LRFN2: variants seen among roughly 807,000 people sequenced by gnomAD.
The protein encoded by LRFN2 is leucine rich repeat and fibronectin type III domain containing 2.
LRFN2 carries 18 observed loss-of-function variants against 37.3 expected under a neutral mutation model. The observed-to-expected ratio is 0.48, with a 90% CI of 0.33 to 0.72. The LOEUF is 0.72. Among genes scored for constraint, LRFN2 ranks in the 30% least tolerant of loss-of-function variants. The pLI, the probability that LRFN2 is intolerant of heterozygous loss-of-function variation, is 0.02. For missense variants in LRFN2, 1,006 were observed against 1,060.7 expected (o/e 0.95, Z 0.72); for synonymous variants, 556 against 466.6 (o/e 1.19, Z -2.47).
rs532176705 is a variant in LRFN2 at position 40,414,984 on chromosome 6, A to T, written c.1400+16730T>A. ...AAATGTGGGGCACTTTCAGCTTCAGAGGAGCTTCTTCAGCCCACTTTGGTC... is the reference window on the plus strand; with the variant it reads ...AAATGTGGGGCACTTTCAGCTTCAGTGGAGCTTCTTCAGCCCACTTTGGTC... On this transcript the variant is annotated intron_variant, in intron 2 of 2. Coordinates refer to ENST00000338305, the MANE Select transcript of LRFN2 (RefSeq NM_020737.3). Among the ~76,000 whole-genome samples the T allele has an allele frequency of 3.7e-4, 57 of 152,274 alleles. 1 individual carries two copies. The highest frequency in any genetic ancestry group is 1.3e-3 in the African/African-American group (55 of 41,560).
At chr6:40,573,960 C>CA (rs1203751537) in intron 1 of LRFN2, among the ~76,000 whole-genome samples, 1 of 152,108 alleles carries the variant, frequency 6.6e-6, no homozygotes, top group Non-Finnish European at 1.5e-5. Context: ...AAACTTGTGT[C>CA]AAAAACAAAA....
chr6:40,530,765 C>T (rs908070717), intron 1 of LRFN2, among the ~76,000 whole-genome samples: 5 of 152,128 alleles, frequency 3.3e-5, no homozygotes, highest in Non-Finnish European at 7.4e-5. Context: ...CTGGTCCAAG[C>T]TCCTCACACT....
chr6:40,526,068 G>A (rs1766246548), intron 1 of LRFN2, among the ~76,000 whole-genome samples: 1 of 152,232 alleles, frequency 6.6e-6, no homozygotes, highest in Admixed American at 6.5e-5. Context: ...TCGGCTATGT[G>A]CAGGGCACAG....
At chr6:40,533,158 GTCTCTGTCTCTCTGTC>G (rs200626789) in intron 1 of LRFN2, among the ~76,000 whole-genome samples, 1 of 151,858 alleles carries the variant, frequency 6.6e-6, no homozygotes, top group Admixed American at 6.6e-5. Context: ...CTCTGCCTCT[GTCTCTGTCTCTCTGTC>G]TCTCTGTCTC....
intron 2 of LRFN2, among the ~76,000 whole-genome samples, chr6:40,402,567 G>A (rs574441481): frequency 6.6e-6 from 1 of 152,276 alleles, no homozygotes; most frequent in African/African-American, 2.4e-5. Flanking sequence ...TTTAACCTTG[G>A]GAAATCCTGT....
intron 1 of LRFN2, among the ~76,000 whole-genome samples, chr6:40,537,752 G>T (rs540512736): frequency 1.3e-5 from 2 of 152,148 alleles, no homozygotes; most frequent in Non-Finnish European, 2.9e-5. Context: ...TCGGTGTCCA[G>T]TTAGGGACTA....
At chr6:40,526,555 G>C (rs537344247) in intron 1 of LRFN2, among the ~76,000 whole-genome samples, 2 of 152,220 alleles carry the variant, frequency 1.3e-5, no homozygotes, top group South Asian at 4.1e-4. Context: ...GGAGCTCTGG[G>C]GGTTCCACCA....
chr6:40,575,624 G>A (rs1187744905), intron 1 of LRFN2, among the ~76,000 whole-genome samples: 1 of 152,112 alleles, frequency 6.6e-6, no homozygotes, highest in Non-Finnish European at 1.5e-5. Context: ...TTTCCCCTGG[G>A]TGCAGTGAAA....
At chr6:40,416,414 C>T (rs944236727) in intron 2 of LRFN2, among the ~76,000 whole-genome samples, 2 of 4,088 alleles carry the variant, frequency 4.9e-4, no homozygotes, top group Admixed American at 2.8e-3. Context: ...AAGGGGGTGG[C>T]GGGAATGAGG....
chr6:40,586,491 C>G (rs1216270767), intron 1 of LRFN2, among the ~76,000 whole-genome samples: 3 of 152,312 alleles, frequency 2.0e-5, no homozygotes, highest in South Asian at 4.1e-4. Context: ...GGCTTTACCC[C>G]ACCCCACCCA....
intron 1 of LRFN2, among the ~76,000 whole-genome samples, chr6:40,464,565 TA>T (rs1235962366): frequency 6.6e-6 from 1 of 152,224 alleles, no homozygotes; most frequent in African/African-American, 2.4e-5. Flanking sequence ...CTGTTCCTTA[TA>T]AATTATCCAC....
intron 1 of LRFN2, among the ~76,000 whole-genome samples, chr6:40,453,302 C>T (rs1764156500): frequency 6.6e-6 from 1 of 152,086 alleles, no homozygotes; most frequent in Non-Finnish European, 1.5e-5. Context: ...AACTAATTGG[C>T]TGGCTTTGAT....
intron 1 of LRFN2, among the ~76,000 whole-genome samples, chr6:40,498,201 G>T (rs756094789): frequency 1.7e-4 from 26 of 152,128 alleles, no homozygotes; most frequent in Non-Finnish European, 2.5e-4. Flanking sequence ...CATTGAAAGT[G>T]TAAGCAGGAG....
At position 40,392,753 on chromosome 6, in the gene LRFN2, C is replaced by A. The variant is rs772660191; in HGVS notation, c.1560G>T (p.Pro520=). The change falls in exon 3 of 3, where the codon CCG becomes CCT. Residue 520 remains proline, a synonymous_variant. Coordinates refer to ENST00000338305, the MANE Select transcript of LRFN2 (RefSeq NM_020737.3). The surrounding 1 kb of genome is among the most constrained non-coding windows in gnomAD (Gnocchi z 4.7). ...CAQFFTKADY[P]QCQSMHSQIL... Reference sequence around the variant, plus strand: ...TCTGGCTGTGCATGGACTGGCACTGCGGGTAGTCAGCCTTGGTGAAGAACT... The same window carrying A: ...TCTGGCTGTGCATGGACTGGCACTGAGGGTAGTCAGCCTTGGTGAAGAACT... The A allele has an allele frequency of 5.8e-5, 94 of 1,613,948 alleles. No individual in the cohort carries two copies. Among genetic ancestry groups the A allele is most frequent in the Non-Finnish European group, 7.9e-5 (93 of 1,180,002 alleles).
At chr6:40,429,899 T>C (rs1177783853) in intron 2 of LRFN2, among the ~76,000 whole-genome samples, 1 of 152,206 alleles carries the variant, frequency 6.6e-6, no homozygotes, top group African/African-American at 2.4e-5. Flanking sequence ...AGAATTAAGA[T>C]ACAGAATATA....
intron 1 of LRFN2, among the ~76,000 whole-genome samples, chr6:40,583,676 C>T (rs1767447746): frequency 1.3e-5 from 2 of 152,172 alleles, no homozygotes; most frequent in Non-Finnish European, 2.9e-5. Context: ...AGCATCCTGT[C>T]TCATCAGTAA....
At chr6:40,555,624 C>A (rs182580946) in intron 1 of LRFN2, among the ~76,000 whole-genome samples, 36 of 152,114 alleles carry the variant, frequency 2.4e-4, no homozygotes, top group African/African-American at 8.7e-4. Flanking sequence ...AGCCCCACAT[C>A]CTTGCTTGCA....
chr6:40,546,446 T>A (rs205515), intron 1 of LRFN2, among the ~76,000 whole-genome samples: 1 of 151,976 alleles, frequency 6.6e-6, no homozygotes, highest in Admixed American at 6.6e-5. Flanking sequence ...GATTCAGGTT[T>A]ATTAGGGGCA....
At position 40,392,267 on chromosome 6, in the gene LRFN2, T is replaced by C. The variant is rs774186592; in HGVS notation, c.2046A>G (p.Arg682=). ...ELLDSRTPAG[R]GAGTSARGHH... is the part of the protein sequence containing the mutation. ...GGCCCCGGGCCGACGTCCCAGCCCC[T>C]CTCCCGGCTGGAGTCCTGGAGTCCA... The change falls in exon 3 of 3, where the codon AGA becomes AGG. Residue 682 remains arginine, a synonymous_variant. Coordinates refer to ENST00000338305, the MANE Select transcript of LRFN2 (RefSeq NM_020737.3). This position sits in a 1 kb window ranked among gnomAD's most constrained non-coding sequence, Gnocchi z 4.7. 1.3e-6 allele frequency: 2 copies of C among 1,596,858 alleles called. No individual in the cohort carries two copies. Among genetic ancestry groups the C allele is most frequent in the East Asian group, 4.5e-5 (2 of 44,592 alleles).
Sources: gnomAD v4.1 joint callset for allele counts (sites outside exome capture counted in the v4.1 genomes callset) on GRCh38, gnomAD v4.1.1 for gene constraint, Gnocchi (gnomAD v3.1) non-coding constraint, MANE v1.5 for transcripts, NCBI Gene and HGNC (gene_info 2026-07-23, HGNC 2026-07-21) for gene names.